Variants in PALM2AKAP2 observed in about 807,000 individuals in gnomAD.
PALM2AKAP2 encodes the protein PALM2-AKAP2 fusion protein.
Under a neutral mutation model 71.5 loss-of-function variants are expected in PALM2AKAP2, and 37 were observed. That is an observed-to-expected ratio of 0.52 (90% confidence interval 0.40 to 0.68). PALM2AKAP2 has a LOEUF of 0.68. PALM2AKAP2 is among the 30% of genes least tolerant of loss of function. PALM2AKAP2 has a pLI of 0.00. For synonymous variants in PALM2AKAP2, 468 were observed against 478.8 expected (o/e 0.98, Z 0.29); for missense variants, 1,224 against 1,191.8 (o/e 1.03, Z -0.40).
intron 1 of PALM2AKAP2, among the ~76,000 whole-genome samples, chr9:109,848,984 C>G (rs796374576): frequency 2.6e-5 from 4 of 151,848 alleles, no homozygotes; most frequent in African/African-American, 9.7e-5. Context: ...ATAGTGTTAA[C>G]TTTGATAGGA....
chr9:109,658,086 G>C (rs923143612), intron 1 of PALM2AKAP2, among the ~76,000 whole-genome samples: 1 of 152,092 alleles, frequency 6.6e-6, no homozygotes, highest in African/African-American at 2.4e-5. Context: ...GGGAACCCTT[G>C]TTTGGGGGTG....
intron 1 of PALM2AKAP2, among the ~76,000 whole-genome samples, chr9:109,851,403 G>A (rs992708995): frequency 2.0e-5 from 3 of 152,148 alleles, no homozygotes; most frequent in Admixed American, 6.5e-5. Flanking sequence ...GCTCGTGCAT[G>A]TTAAGAACTG....
chr9:109,951,552 A>G (rs1189000822), intron 6 of PALM2AKAP2, among the ~76,000 whole-genome samples: 3 of 152,032 alleles, frequency 2.0e-5, no homozygotes, highest in East Asian at 3.8e-4. Context: ...CCGTGTTGGG[A>G]GCACCTTCCG....
At chr9:109,763,384 C>T (rs1829091958) in intron 1 of PALM2AKAP2, among the ~76,000 whole-genome samples, 1 of 152,140 alleles carries the variant, frequency 6.6e-6, no homozygotes, top group African/African-American at 2.4e-5. Context: ...CCTGCCCTGC[C>T]TCCTACTTGC....
intron 1 of PALM2AKAP2, among the ~76,000 whole-genome samples, chr9:109,866,185 T>C (rs1322844295): frequency 6.6e-6 from 1 of 152,176 alleles, no homozygotes; most frequent in African/African-American, 2.4e-5. Flanking sequence ...TTGATTTGAA[T>C]AGCAATGGTA....
chr9:109,665,510 C>T (rs1827468625), intron 1 of PALM2AKAP2, among the ~76,000 whole-genome samples: 1 of 152,196 alleles, frequency 6.6e-6, no homozygotes, highest in Non-Finnish European at 1.5e-5. Context: ...TGGGTATCGC[C>T]AGCGGAGGCT....
chr9:109,710,555 G>A (rs143496057), intron 1 of PALM2AKAP2, among the ~76,000 whole-genome samples: 4 of 152,284 alleles, frequency 2.6e-5, no homozygotes, highest in East Asian at 1.9e-4. Context: ...TTTTTCACCT[G>A]CAAGACGGGG....
intron 1 of PALM2AKAP2, among the ~76,000 whole-genome samples, chr9:110,091,384 TC>T (rs1428717029): frequency 6.7e-6 from 1 of 149,172 alleles, no homozygotes; most frequent in Non-Finnish European, 1.5e-5. Flanking sequence ...TCGTTGCTTT[TC>T]TGATCCTTGG....
chr9:110,156,477 G>A (rs1564339115), exon 3 of PALM2AKAP2: 16 of 1,609,022 alleles, frequency 9.9e-6, no homozygotes, highest in Non-Finnish European at 1.3e-5. Flanking sequence ...TAAAAGGCGC[G>A]AGAGAATGGA....
At chr9:110,127,791 G>C (rs1478703578) in intron 1 of PALM2AKAP2, 3 of 152,242 alleles carry the variant, frequency 2.0e-5, no homozygotes, top group African/African-American at 4.8e-5. Flanking sequence ...GGCACAGTTT[G>C]CGCCGTTGAA....
At chr9:109,784,884 C>G (rs2118827722) in intron 1 of PALM2AKAP2, among the ~76,000 whole-genome samples, 1 of 151,716 alleles carries the variant, frequency 6.6e-6, no homozygotes, top group Admixed American at 6.6e-5. Flanking sequence ...AAGCTTGAGA[C>G]AAGCCAGGAG....
chr9:110,106,408 G>A (rs529594774), intron 1 of PALM2AKAP2, among the ~76,000 whole-genome samples: 2 of 152,322 alleles, frequency 1.3e-5, no homozygotes, highest in African/African-American at 4.8e-5. Context: ...TGTGAAATGA[G>A]TGCTGGCCTA....
At chr9:109,665,955 T>TA (rs2118472503) in intron 1 of PALM2AKAP2, among the ~76,000 whole-genome samples, 1 of 152,354 alleles carries the variant, frequency 6.6e-6, no homozygotes, top group Non-Finnish European at 1.5e-5. Flanking sequence ...ACTGCTGCGC[T>TA]AGCAGTGAGC....
At chr9:109,686,303 C>G (rs1429954078) in intron 1 of PALM2AKAP2, among the ~76,000 whole-genome samples, 1 of 152,146 alleles carries the variant, frequency 6.6e-6, no homozygotes, top group Non-Finnish European at 1.5e-5. Flanking sequence ...CCAGATTAAT[C>G]AAAGGAATCA....
chr9:109,852,162 A>C (rs117030149), intron 1 of PALM2AKAP2, among the ~76,000 whole-genome samples: 202 of 152,286 alleles, frequency 1.3e-3, no homozygotes, highest in Non-Finnish European at 2.4e-3. Flanking sequence ...ACATGAGTAT[A>C]TTGTGTGATG....
intron 2 of PALM2AKAP2, 81 bp downstream of exon 8, chr9:110,138,620 A>C: frequency 6.8e-7 from 1 of 1,460,252 alleles, no homozygotes; most frequent in Non-Finnish European, 9.0e-7. Context: ...TTCTATGTGG[A>C]GCCTCCTCTG....
intron 1 of PALM2AKAP2, among the ~76,000 whole-genome samples, chr9:110,097,700 C>T (rs12350229): frequency 0.016 from 2,350 of 145,274 alleles, 94 homozygotes; most frequent in African/African-American, 0.062. Context: ...CAGAGGGGCT[C>T]CTCACATCCC....
intron 1 of PALM2AKAP2, among the ~76,000 whole-genome samples, chr9:109,718,044 A>G (rs1270667462): frequency 3.3e-5 from 5 of 152,244 alleles, no homozygotes; most frequent in South Asian, 4.1e-4. Flanking sequence ...AGTGTTTGCT[A>G]TACCTTCAGT....
At chr9:109,878,901 T>G (rs1387196307) in intron 2 of PALM2AKAP2, among the ~76,000 whole-genome samples, 1 of 152,050 alleles carries the variant, frequency 6.6e-6, no homozygotes. Context: ...TCACACCTGG[T>G]TAATTTTGTA....
Sources: gnomAD v4.1 joint callset for allele counts (sites outside exome capture counted in the v4.1 genomes callset) on GRCh38, gnomAD v4.1.1 for gene constraint, MANE v1.5 for transcripts, NCBI Gene and HGNC (gene_info 2026-07-23, HGNC 2026-07-21) for gene names.